The following AMMECR1 variants were observed in gnomAD, a reference collection of about 807,000 sequenced individuals.
AMMECR1 encodes nuclear protein AMMECR1.
AMMECR1 carries 3 observed loss-of-function variants against 22.5 expected under a neutral mutation model. That is an observed-to-expected ratio of 0.13 (90% confidence interval 0.06 to 0.35). The LOEUF (loss-of-function observed/expected upper bound fraction) is 0.35, where lower values mean the gene tolerates loss of function less well. AMMECR1 is among the 10% of genes least tolerant of loss of function. The pLI, the probability that AMMECR1 is intolerant of heterozygous loss-of-function variation, is 1.00. For synonymous variants in AMMECR1, 130 were observed against 116.7 expected, an observed-to-expected ratio of 1.11 and a Z score of -0.74; for missense variants, 235 against 278.7, an observed-to-expected ratio of 0.84 and a Z score of 1.12.
intron 1 of AMMECR1, among the ~76,000 whole-genome samples, chrX:110,289,802 ATTAATCT>A (rs1402324269): frequency 2.7e-5 from 3 of 112,267 alleles, no homozygotes; most frequent in Non-Finnish European, 5.6e-5. Flanking sequence ...TCAGGAAGAA[ATTAATCT>A]TTAATCATGA....
At chrX:110,331,833 G>T (rs2068122141) in intron 2 of AMMECR1, among the ~76,000 whole-genome samples, 1 of 111,148 alleles carries the variant, frequency 9.0e-6, no homozygotes, top group Non-Finnish European at 1.9e-5. Flanking sequence ...TTGTACTCTG[G>T]TCAGATTATT....
At chrX:110,439,467 A>G (rs2068863804) in intron 1 of AMMECR1, among the ~76,000 whole-genome samples, 1 of 112,121 alleles carries the variant, frequency 8.9e-6, no homozygotes, top group Non-Finnish European at 1.9e-5. Context: ...AACATCTTTC[A>G]CTGTTTCAGC....
At chrX:110,222,435 G>A (rs1388597759) in intron 2 of AMMECR1, among the ~76,000 whole-genome samples, 1 of 80,455 alleles carries the variant, frequency 1.2e-5, no homozygotes, top group Non-Finnish European at 2.4e-5. Flanking sequence ...ATCACACTCT[G>A]GGGACTGTTG....
chrX:110,294,896 T>C (rs186013029), intron 1 of AMMECR1, among the ~76,000 whole-genome samples: 48 of 110,737 alleles, frequency 4.3e-4, no homozygotes, highest in African/African-American at 1.4e-3. Flanking sequence ...CCACATCTCT[T>C]CTACCTTTGA....
At chrX:110,352,930 T>C (rs769059566) in intron 2 of AMMECR1, among the ~76,000 whole-genome samples, 9 of 112,505 alleles carry the variant, frequency 8.0e-5, no homozygotes, top group East Asian at 5.6e-4. Context: ...ACTGCCACCA[T>C]GAAGCTTACA....
intron 2 of AMMECR1, among the ~76,000 whole-genome samples, chrX:110,226,089 C>T (rs1293525527): frequency 1.8e-5 from 2 of 112,208 alleles, no homozygotes; most frequent in Non-Finnish European, 3.8e-5. Context: ...AGCTCCTCAT[C>T]AAGCTCTAGA....
At chrX:110,419,374 C>T (rs1304946901) in intron 2 of AMMECR1, among the ~76,000 whole-genome samples, 3 of 112,628 alleles carry the variant, frequency 2.7e-5, no homozygotes, top group African/African-American at 9.7e-5. Flanking sequence ...CTCAGCTTAA[C>T]GTTACCTCCT....
chrX:110,229,709 T>A (rs2067552341), intron 2 of AMMECR1, among the ~76,000 whole-genome samples: 1 of 111,954 alleles, frequency 8.9e-6, no homozygotes, highest in South Asian at 3.7e-4. Flanking sequence ...GGGCGTTGAC[T>A]CACCCGGGAA....
At chrX:110,386,664 A>G (rs1474347279) in intron 2 of AMMECR1, among the ~76,000 whole-genome samples, 1 of 112,094 alleles carries the variant, frequency 8.9e-6, no homozygotes, top group African/African-American at 3.2e-5. Flanking sequence ...TTATTATTAA[A>G]TAGAAATTTG....
intron 1 of AMMECR1, among the ~76,000 whole-genome samples, chrX:110,265,440 CAA>C (rs1488484317): frequency 2.7e-5 from 3 of 111,702 alleles, no homozygotes; most frequent in Non-Finnish European, 5.7e-5. Context: ...CATCAAAGAA[CAA>C]AGTATCAATT....
At chrX:110,208,074 T>G (rs1364530896) in intron 3 of AMMECR1, among the ~76,000 whole-genome samples, 1 of 112,427 alleles carries the variant, frequency 8.9e-6, no homozygotes, top group Admixed American at 9.4e-5. Flanking sequence ...TAGAGATAAC[T>G]CTTATCTTAG....
chrX:110,286,961 A>G (rs1415365110), intron 1 of AMMECR1, among the ~76,000 whole-genome samples: 1 of 111,893 alleles, frequency 8.9e-6, no homozygotes, highest in African/African-American at 3.2e-5. Flanking sequence ...TTGAGCTCCA[A>G]TAGACAACTA....
At chrX:110,388,886 G>A (rs776030032) in intron 2 of AMMECR1, among the ~76,000 whole-genome samples, 7 of 112,473 alleles carry the variant, frequency 6.2e-5, no homozygotes, top group Non-Finnish European at 1.3e-4. Context: ...TGTGATGTAC[G>A]TAGTGGGGAG....
At chrX:110,431,009 T>G (rs2068792261) in intron 1 of AMMECR1, among the ~76,000 whole-genome samples, 1 of 112,111 alleles carries the variant, frequency 8.9e-6, no homozygotes, top group African/African-American at 3.3e-5. Context: ...ACTTGGATTT[T>G]GCCTTCATAG....
intron 2 of AMMECR1, among the ~76,000 whole-genome samples, chrX:110,244,033 G>T (rs1211505792): frequency 4.5e-5 from 5 of 111,304 alleles, no homozygotes; most frequent in Non-Finnish European, 9.4e-5. Context: ...GTCTTGTGTT[G>T]CCTATCACCT....
intron 2 of AMMECR1, among the ~76,000 whole-genome samples, chrX:110,400,478 C>T (rs1444755809): frequency 1.8e-5 from 2 of 110,167 alleles, no homozygotes; most frequent in African/African-American, 3.3e-5. Context: ...TCAGAAGTGT[C>T]GCTCAGTAAT....
intron 2 of AMMECR1, among the ~76,000 whole-genome samples, chrX:110,407,018 T>C (rs1451213811): frequency 1.8e-5 from 2 of 111,742 alleles, no homozygotes; most frequent in Admixed American, 9.5e-5. Flanking sequence ...GGATGATTGA[T>C]TGTGTTTTCT....
intron 1 of AMMECR1, among the ~76,000 whole-genome samples, chrX:110,274,841 AATTTT>A (rs1368208447): frequency 3.5e-4 from 39 of 111,835 alleles, no homozygotes; most frequent in African/African-American, 1.2e-3. Context: ...TTTAGTATTT[AATTTT>A]ATCACCATTA....
intron 2 of AMMECR1, among the ~76,000 whole-genome samples, chrX:110,357,107 C>G (rs763029485): frequency 3.1e-4 from 35 of 111,549 alleles, no homozygotes; most frequent in Non-Finnish European, 6.2e-4. Context: ...TATACATTAG[C>G]TTAGATCTAT....
Sources: gnomAD v4.1 joint callset for allele counts (sites outside exome capture counted in the v4.1 genomes callset) on GRCh38, gnomAD v4.1.1 for gene constraint, MANE v1.5 for transcripts, NCBI Gene and HGNC (gene_info 2026-07-23, HGNC 2026-07-21) for gene names.